Variants in SDC2 observed in about 807,000 individuals in gnomAD.
SDC2 encodes syndecan 2, also known as syndecan-2.
A neutral mutation model predicts 22.2 loss-of-function variants in SDC2; 13 were observed. The ratio of observed to expected loss-of-function variants is 0.59; its 90% CI spans 0.38 to 0.93. SDC2 has a LOEUF of 0.93. Ranked by LOEUF, SDC2 falls within the 40% of genes least tolerant of loss-of-function variation. SDC2 has a pLI of 0.00. For synonymous variants in SDC2, 94 were observed against 92.8 expected, an observed-to-expected ratio of 1.01 and a Z score of -0.07; for missense variants, 235 against 246.8, an observed-to-expected ratio of 0.95 and a Z score of 0.32.
chr8:96,507,699 C>G (rs1235583468), intron 1 of SDC2, among the ~76,000 whole-genome samples: 1 of 152,182 alleles, frequency 6.6e-6, no homozygotes, highest in Non-Finnish European at 1.5e-5. Context: ...GGAAAGAAGG[C>G]TGCTATTGTA....
intron 2 of SDC2, among the ~76,000 whole-genome samples, chr8:96,599,127 G>A (rs1024816245): frequency 5.3e-5 from 8 of 152,026 alleles, no homozygotes; most frequent in African/African-American, 1.7e-4. Context: ...ATTTTTAGTA[G>A]GGATGGGGTT....
chr8:96,573,752 C>CTGCA (rs1208784566), intron 1 of SDC2, among the ~76,000 whole-genome samples: 1 of 152,144 alleles, frequency 6.6e-6, no homozygotes, highest in Non-Finnish European at 1.5e-5. Flanking sequence ...AATCTGTCAT[C>CTGCA]TGCACTACAT....
chr8:96,602,368 T>A (rs778818018), intron 2 of SDC2, 27 bp from the exon 3 acceptor site: 2 of 1,611,876 alleles, frequency 1.2e-6, no homozygotes, highest in Admixed American at 3.3e-5. Flanking sequence ...ATTGCCATGC[T>A]CAGTTCATCT....
chr8:96,574,152 G>T (rs1016121971), intron 1 of SDC2, among the ~76,000 whole-genome samples: 1 of 151,610 alleles, frequency 6.6e-6, no homozygotes, highest in Non-Finnish European at 1.5e-5. Flanking sequence ...TTAACTCTTG[G>T]TGTAAGTGGA....
chr8:96,595,888 C>T (rs759719277), intron 2 of SDC2, among the ~76,000 whole-genome samples: 2 of 152,228 alleles, frequency 1.3e-5, no homozygotes, highest in African/African-American at 4.8e-5. Flanking sequence ...TGGGCCCACA[C>T]TGCTGGTGCC....
At chr8:96,574,996 A>G (rs1172540146) in intron 1 of SDC2, among the ~76,000 whole-genome samples, 1 of 152,168 alleles carries the variant, frequency 6.6e-6, no homozygotes, top group African/African-American at 2.4e-5. Flanking sequence ...GCAGTTCACA[A>G]TAGGGTTCGT....
Position 96,540,878 on chromosome 8 carries a change from G to A in SDC2, c.60+46547G>A, listed in dbSNP as rs116996138. On this transcript the variant is annotated intron_variant, in intron 1 of 4. Transcript: ENST00000302190. Reference sequence around the variant, plus strand: ...ATAGGGCCAAGTAGGTTATTGAGTCGTGCATTCTTTTTGAGTGGTAGGAAA... The same window carrying A: ...ATAGGGCCAAGTAGGTTATTGAGTCATGCATTCTTTTTGAGTGGTAGGAAA... 2.3e-3 allele frequency among the ~76,000 whole-genome samples: 353 copies of A among 152,168 alleles called. 10 individuals are homozygous for A. The East Asian group carries it at 0.061, about 26-fold the overall frequency.
chr8:96,510,067 CCTAGTGGAGCAAGGGACA>C (rs1305703128), intron 1 of SDC2, among the ~76,000 whole-genome samples: 1 of 152,192 alleles, frequency 6.6e-6, no homozygotes, highest in Admixed American at 6.5e-5. Context: ...GAAAACTTTT[CCTAGTGGAGCAAGGGACA>C]CTCGTCCTCT....
At chr8:96,570,904 C>T (rs1045090948) in intron 1 of SDC2, among the ~76,000 whole-genome samples, 5 of 151,948 alleles carry the variant, frequency 3.3e-5, no homozygotes, top group Admixed American at 2.6e-4. Flanking sequence ...CAGTGGTTAC[C>T]GGGGGAAGGG....
At chr8:96,567,915 C>A (rs983318808) in intron 1 of SDC2, among the ~76,000 whole-genome samples, 6 of 152,160 alleles carry the variant, frequency 3.9e-5, no homozygotes, top group African/African-American at 1.4e-4. Flanking sequence ...ATGGCTTTAT[C>A]CTCACTTTTT....
intron 1 of SDC2, among the ~76,000 whole-genome samples, chr8:96,559,081 CT>C (rs1341414572): frequency 6.6e-6 from 1 of 152,130 alleles, no homozygotes; most frequent in Non-Finnish European, 1.5e-5. Flanking sequence ...AAGTCATCTA[CT>C]TTATGCTCAG....
At chr8:96,508,812 G>T (rs1248147633) in intron 1 of SDC2, among the ~76,000 whole-genome samples, 1 of 142,004 alleles carries the variant, frequency 7.0e-6, no homozygotes, top group Admixed American at 7.0e-5. Flanking sequence ...AATCTTTCAA[G>T]AGAGCAGTGA....
intron 1 of SDC2, among the ~76,000 whole-genome samples, chr8:96,532,421 T>TG (rs1554601025): frequency 1.4e-5 from 2 of 142,970 alleles, no homozygotes; most frequent in Non-Finnish European, 3.1e-5. Flanking sequence ...CGTTTTTTTT[T>TG]TTTTTTTTTT....
intron 2 of SDC2, among the ~76,000 whole-genome samples, chr8:96,594,296 C>T (rs899049848): frequency 6.6e-6 from 1 of 152,176 alleles, no homozygotes; most frequent in Non-Finnish European, 1.5e-5. Flanking sequence ...CAGTGGTCAG[C>T]TGCCGGTTGA....
chr8:96,541,041 A>G (rs1028963515), intron 1 of SDC2, among the ~76,000 whole-genome samples: 2 of 140,124 alleles, frequency 1.4e-5, no homozygotes, highest in African/African-American at 5.4e-5. Flanking sequence ...TCTCTGAAGT[A>G]TAGTTATTTA....
chr8:96,582,269 C>T (rs1814600732), intron 1 of SDC2, among the ~76,000 whole-genome samples: 1 of 152,134 alleles, frequency 6.6e-6, no homozygotes, highest in African/African-American at 2.4e-5. Context: ...ATACAGAACC[C>T]AGGGCTATGA....
chr8:96,506,634 T>C (rs1030168463), intron 1 of SDC2, among the ~76,000 whole-genome samples: 4 of 152,064 alleles, frequency 2.6e-5, no homozygotes, highest in African/African-American at 9.7e-5. Flanking sequence ...CAGTCCTGGC[T>C]GAGTTTTTGT....
At chr8:96,598,600 G>A (rs1017609166) in intron 2 of SDC2, among the ~76,000 whole-genome samples, 7 of 151,876 alleles carry the variant, frequency 4.6e-5, no homozygotes, top group African/African-American at 1.7e-4. Flanking sequence ...TCTGGGTGAC[G>A]AGCAAAATTC....
At chr8:96,575,004 C>T (rs983129714) in intron 1 of SDC2, among the ~76,000 whole-genome samples, 7 of 152,124 alleles carry the variant, frequency 4.6e-5, no homozygotes, top group African/African-American at 1.4e-4. Context: ...CAATAGGGTT[C>T]GTGCTCCTAT....
Sources: allele counts gnomAD v4.1 joint callset (sites outside exome capture counted in the v4.1 genomes callset), GRCh38; gene constraint gnomAD v4.1.1; transcripts MANE v1.5; gene names NCBI Gene and HGNC (gene_info 2026-07-23, HGNC 2026-07-21).